SIM2: variants seen among roughly 807,000 people sequenced by gnomAD.
SIM2 encodes single-minded homolog 2.
SIM2 carries 28 observed loss-of-function variants against 64.8 expected under a neutral mutation model. The observed-to-expected ratio is 0.43, with a 90% CI of 0.32 to 0.59. SIM2 has a LOEUF of 0.59. SIM2 is among the 20% of genes least tolerant of loss of function. The pLI is 0.07. For synonymous variants in SIM2, 408 were observed against 391.1 expected (o/e 1.04, Z -0.51); for missense variants, 847 against 871.4 (o/e 0.97, Z 0.35).
rs537214699 is a variant in SIM2, at chr21:36,719,922, G to A, written c.450G>A (p.Leu150=). Reference sequence around the variant, plus strand: ...CCCACCAGCCGCTGCACCACCACCTGCTCCAAGGTATTCCATCCAGAGGGA... The same window carrying A: ...CCCACCAGCCGCTGCACCACCACCTACTCCAAGGTATTCCATCCAGAGGGA... ...LTAHQPLHHH[L]LQEYEIERSF... The change falls in exon 4 of 11, where the codon CTG becomes CTA. Residue 150 remains leucine, a synonymous_variant. Coordinates refer to ENST00000290399, the MANE Select transcript of SIM2 (RefSeq NM_005069.6). 2.8e-5 allele frequency: 45 copies of A among 1,597,900 alleles called. No individual in the cohort carries two copies. In the African/African-American group the frequency reaches 5.8e-4, roughly 21 times the overall value.
At chr21:36,700,375 G>A (rs1419147182) in intron 1 of SIM2, among the ~76,000 whole-genome samples, 1 of 125,518 alleles carries the variant, frequency 8.0e-6, no homozygotes, top group Non-Finnish European at 1.6e-5. Context: ...TCCTTCCTTG[G>A]CCCCCTCTCT....
chr21:36,730,059 A>G (rs181980219), intron 6 of SIM2, among the ~76,000 whole-genome samples: 11 of 152,244 alleles, frequency 7.2e-5, no homozygotes, highest in African/African-American at 2.4e-4. Flanking sequence ...GGGGGTCTGA[A>G]CCAATCCTCC....
chr21:36,709,716 A>T, intron 2 of SIM2: 1 of 324,576 alleles, frequency 3.1e-6, no homozygotes, highest in South Asian at 2.3e-5. Flanking sequence ...CAATATTAAC[A>T]GGAGCACTTG....
At position 36,747,800 on chromosome 21, in the gene SIM2, T is replaced by C. The variant is rs2089250465; in HGVS notation, c.1712T>C (p.Leu571Pro). 2.9e-6 allele frequency: 3 copies of C among 1,041,246 alleles called. No homozygotes were observed. The highest frequency in any genetic ancestry group is 3.4e-6 in the Non-Finnish European group (3 of 869,596). The allele number at this position is 1,041,246 out of a possible 1,614,324, so 64.5% of individuals were successfully genotyped here. ...ARQAARDGAR[L>P]ALARAAPECC... ...CAGGCCGCCCGGGACGGGGCGCGGC[T>C]GGCGCTGGCCCGCGCGGCACCCGAG... Residue 571 changes from leucine (L) to proline (P), a missense_variant, in exon 11 of 11, where the codon CTG becomes CCG. Leu to Pro is a moderately conservative substitution (Grantham distance 98). This residue lies in a region of SIM2 where 447 missense variants were observed against 414.6 expected (regional missense o/e 1.08). Coordinates refer to ENST00000290399, the MANE Select transcript of SIM2 (RefSeq NM_005069.6). This position sits in a 1 kb window ranked among gnomAD's most constrained non-coding sequence, Gnocchi z 4.5.
intron 7 of SIM2, among the ~76,000 whole-genome samples, chr21:36,737,927 A>G (rs1247018875): frequency 7.6e-6 from 1 of 131,032 alleles, no homozygotes; most frequent in East Asian, 2.2e-4. Flanking sequence ...GTACCACTGC[A>G]CTCCAGCCTG....
Position 36,741,878 on chromosome 21 carries a change from ATTTG to A in SIM2, c.998+18_998+21del. 1.3e-6 allele frequency: 2 copies of A among 1,552,508 alleles called. No individual in the cohort carries two copies. The highest frequency in any genetic ancestry group is 1.7e-6 in the Non-Finnish European group (2 of 1,146,004). ...TTATGTACTCACGTAAGTCACACGT[ATTTG>A]TTTCTCTCCTTGCTCTTTTCTCTTC... On this transcript the variant is annotated intron_variant, in intron 8 of 10. Coordinates refer to ENST00000290399, the MANE Select transcript of SIM2 (RefSeq NM_005069.6).
At position 36,747,663 on chromosome 21, in the gene SIM2, A is replaced by G; in HGVS notation, c.1577-2A>G. 8.0e-7 allele frequency: 1 copy of G among 1,249,674 alleles called. No homozygotes were observed. The allele number at this position is 1,249,674 out of a possible 1,614,324, so 77.4% of individuals were successfully genotyped here. A position where few individuals can be genotyped will look rare whatever the true frequency, so the allele number is the denominator to read the frequency against. Reference sequence around the variant, plus strand: ...CCTCTAACGTGTCGCCTGTCCCCGCAGCGCCCGCCGCCGCCGTGCGCAGGT... The same window carrying G: ...CCTCTAACGTGTCGCCTGTCCCCGCGGCGCCCGCCGCCGCCGTGCGCAGGT... On this transcript the variant is annotated splice_acceptor_variant, in intron 10 of 10. Transcript: ENST00000290399. LOFTEE classifies it high-confidence loss of function. The surrounding 1 kb of genome is among the most constrained non-coding windows in gnomAD (Gnocchi z 4.5).
intron 3 of SIM2, among the ~76,000 whole-genome samples, chr21:36,717,699 G>A (rs138100425): frequency 3.9e-5 from 6 of 151,982 alleles, no homozygotes; most frequent in South Asian, 2.1e-4. Flanking sequence ...CGCCTGCCTC[G>A]GCCTACCAAA....
intron 5 of SIM2, 53 bp downstream of exon 5, chr21:36,723,183 G>A (rs2088847402): frequency 7.0e-7 from 1 of 1,428,978 alleles, no homozygotes; most frequent in African/African-American, 1.4e-5. Context: ...TTCAATGTGT[G>A]TTTTCAAGAG....
Position 36,745,935 on chromosome 21 carries a change from C to T in SIM2, c.1576+799C>T, listed in dbSNP as rs1168869023. The T allele has an allele frequency of 1.9e-5, 24 of 1,256,762 alleles. No homozygotes were observed. The highest frequency in any genetic ancestry group is 1.2e-4 in the East Asian group (2 of 17,198). 77.9% of individuals were successfully genotyped at this position (1,256,762 alleles called of 1,614,324 possible). A position where few individuals can be genotyped will look rare whatever the true frequency, so the allele number is the denominator to read the frequency against. On this transcript the variant is annotated intron_variant, in intron 10 of 10. Transcript: ENST00000290399. This position sits in a 1 kb window ranked among gnomAD's most constrained non-coding sequence, Gnocchi z 4.8. ...TGCAGGACATGTATTCCCATTGCAC[C>T]GAGACCTAACTGCCGCTCAGAGTGT...
At chr21:36,734,666 GC>G (rs760147731) in intron 7 of SIM2, among the ~76,000 whole-genome samples, 4 of 152,212 alleles carry the variant, frequency 2.6e-5, no homozygotes, top group African/African-American at 4.8e-5. Flanking sequence ...GGAACCACCT[GC>G]AGGGCTGAGC....
At chr21:36,744,215 G>C (rs1408975287) in intron 9 of SIM2, among the ~76,000 whole-genome samples, 1 of 151,438 alleles carries the variant, frequency 6.6e-6, no homozygotes, top group Non-Finnish European at 1.5e-5. Context: ...CTGGGTGACA[G>C]AGCAAGACTC....
intron 9 of SIM2, 61 bp from the exon 10 acceptor site, chr21:36,744,667 C>T (rs1005342548): frequency 6.0e-6 from 9 of 1,504,092 alleles, no homozygotes; most frequent in Non-Finnish European, 8.0e-6. Flanking sequence ...TCTTGCAGGG[C>T]CGGAAGGCAG....
At chr21:36,708,061 C>T (rs2088613596) in intron 1 of SIM2, among the ~76,000 whole-genome samples, 1 of 151,874 alleles carries the variant, frequency 6.6e-6, no homozygotes, top group Non-Finnish European at 1.5e-5. Flanking sequence ...GGCTCGTGGG[C>T]CGGGAGACGC....
At chr21:36,722,278 C>T (rs1332735395) in intron 4 of SIM2, among the ~76,000 whole-genome samples, 1 of 152,218 alleles carries the variant, frequency 6.6e-6, no homozygotes, top group African/African-American at 2.4e-5. Flanking sequence ...GCCTCTCCAA[C>T]TGGGGCAGGG....
At chr21:36,739,759 C>A (rs545444068) in intron 7 of SIM2, among the ~76,000 whole-genome samples, 1 of 151,984 alleles carries the variant, frequency 6.6e-6, no homozygotes, top group African/African-American at 2.4e-5. Context: ...GTGGCTCACA[C>A]CTGCAATGGC....
At position 36,719,946 on chromosome 21, in the gene SIM2, GAA is replaced by G. The variant is rs145363163; in HGVS notation, c.457+27_457+28del. ...TGCTCCAAGGTATTCCATCCAGAGG[GAA>G]AAAAAAAAACAGACTAAAAGCAAGG... On this transcript the variant is annotated intron_variant, in intron 4 of 10. Transcript: ENST00000290399. 184 of 1,248,332 alleles carry G rather than the reference GAA, an allele frequency of 1.5e-4. 1 individual carries two copies. The highest frequency in any genetic ancestry group is 4.5e-4 in the Admixed American group (22 of 49,030). The allele number at this position is 1,248,332 out of a possible 1,614,324, so 77.3% of individuals were successfully genotyped here.
chr21:36,705,300 A>T (rs2088564559), intron 1 of SIM2, among the ~76,000 whole-genome samples: 1 of 152,218 alleles, frequency 6.6e-6, no homozygotes, highest in South Asian at 2.1e-4. Flanking sequence ...CCCGCCACGC[A>T]CATATCCTTC....
chr21:36,733,230 CT>C (rs962553308), intron 7 of SIM2, among the ~76,000 whole-genome samples: 9 of 150,806 alleles, frequency 6.0e-5, no homozygotes, highest in Non-Finnish European at 1.3e-4. Context: ...TCAAAAATCT[CT>C]TTTTTTTTAA....
Sources: allele counts gnomAD v4.1 joint callset (sites outside exome capture counted in the v4.1 genomes callset), GRCh38; gene constraint gnomAD v4.1.1; regional missense constraint gnomAD v4.1.1; non-coding constraint Gnocchi (gnomAD v3.1); transcripts MANE v1.5; gene names NCBI Gene and HGNC (gene_info 2026-07-23, HGNC 2026-07-21).